Variants in GLIS3 observed in about 807,000 individuals in gnomAD.
GLIS3 encodes zinc finger protein GLIS3.
A neutral mutation model predicts 78.6 loss-of-function variants in GLIS3; 53 were observed. The observed-to-expected ratio is 0.67, with a 90% CI of 0.54 to 0.85. GLIS3 has a LOEUF of 0.85. Ranked by LOEUF, GLIS3 falls within the 40% of genes least tolerant of loss-of-function variation. GLIS3 has a pLI of 0.00. For synonymous variants in GLIS3, 684 were observed against 509.9 expected, an observed-to-expected ratio of 1.34 and a Z score of -4.60; for missense variants, 1,703 against 1,231.1, an observed-to-expected ratio of 1.38 and a Z score of -5.74.
chr9:4,240,481 A>G (rs931871318), intron 2 of GLIS3, among the ~76,000 whole-genome samples: 1 of 152,134 alleles, frequency 6.6e-6, no homozygotes, highest in African/African-American at 2.4e-5. Context: ...GATCTAAAGC[A>G]TAACTTCAAC....
At chr9:3,840,175 A>C (rs957242140) in intron 9 of GLIS3, among the ~76,000 whole-genome samples, 2 of 152,230 alleles carry the variant, frequency 1.3e-5, no homozygotes, top group African/African-American at 4.8e-5. Flanking sequence ...CCTTAAGTTC[A>C]ACTATGTAAC....
intron 2 of GLIS3, among the ~76,000 whole-genome samples, chr9:4,328,759 A>G (rs1334904674): frequency 9.0e-6 from 1 of 110,582 alleles, no homozygotes; most frequent in Non-Finnish European, 2.1e-5. Context: ...GTATGGACAT[A>G]ATCTCTCTGC....
the GLIS3 span, among the ~76,000 whole-genome samples, chr9:4,387,785 C>G: frequency 6.6e-6 from 1 of 152,172 alleles, no homozygotes; most frequent in Non-Finnish European, 1.5e-5. Context: ...TGTACAGGTA[C>G]TTTTCTGTTT....
At chr9:3,841,679 T>C (rs917222289) in intron 9 of GLIS3, among the ~76,000 whole-genome samples, 5 of 152,184 alleles carry the variant, frequency 3.3e-5, no homozygotes, top group African/African-American at 1.2e-4. Context: ...GCAAACACTT[T>C]GCCAAGGTTG....
chr9:4,148,681 C>A (rs1291198727), intron 2 of GLIS3, among the ~76,000 whole-genome samples: 1 of 152,022 alleles, frequency 6.6e-6, no homozygotes, highest in Non-Finnish European at 1.5e-5. Context: ...AATGCCCACA[C>A]CATACCTGTA....
intron 5 of GLIS3, among the ~76,000 whole-genome samples, chr9:3,933,879 T>C (rs539824687): frequency 6.6e-6 from 1 of 152,344 alleles, no homozygotes; most frequent in South Asian, 2.1e-4. Context: ...AAGAACAAGA[T>C]TAAATCATGA....
At chr9:4,385,462 G>C in the GLIS3 span, among the ~76,000 whole-genome samples, 1 of 152,042 alleles carries the variant, frequency 6.6e-6, no homozygotes, top group South Asian at 2.1e-4. Flanking sequence ...TCAGGAGTCC[G>C]AGACCAGCTT....
At chr9:4,297,984 C>T (rs889841584) in intron 1 of GLIS3, among the ~76,000 whole-genome samples, 2 of 152,114 alleles carry the variant, frequency 1.3e-5, no homozygotes, top group Non-Finnish European at 2.9e-5. Flanking sequence ...GCGGGGTACG[C>T]GCGGCTGCGA....
intron 4 of GLIS3, chr9:4,071,235 A>T (rs763530471): frequency 1.4e-4 from 21 of 152,196 alleles, no homozygotes; most frequent in Non-Finnish European, 2.9e-4. Context: ...ATGTCCCAGC[A>T]GATAACTGTT....
chr9:4,154,040 G>A (rs2180944), intron 2 of GLIS3, among the ~76,000 whole-genome samples: 6,698 of 152,272 alleles, frequency 0.044, 259 homozygotes, highest in Admixed American at 0.13. Flanking sequence ...TAGGAGCTAC[G>A]CTGAGGCTGT....
chr9:3,996,521 T>C (rs1820754454), intron 4 of GLIS3, among the ~76,000 whole-genome samples: 1 of 152,186 alleles, frequency 6.6e-6, no homozygotes, highest in Admixed American at 6.5e-5. Flanking sequence ...AAAGTGCATG[T>C]TGAAATGTCA....
At chr9:4,484,324 G>T in the GLIS3 span, among the ~76,000 whole-genome samples, 10 of 145,934 alleles carry the variant, frequency 6.9e-5, no homozygotes, top group East Asian at 1.8e-3. Flanking sequence ...TGCAACCTCT[G>T]CCTCCCAAGT....
At chr9:3,855,134 A>G (rs112900010) in intron 9 of GLIS3, among the ~76,000 whole-genome samples, 2 of 152,240 alleles carry the variant, frequency 1.3e-5, no homozygotes, top group South Asian at 2.1e-4. Context: ...GTTCAAATCT[A>G]TATGACTTGG....
intron 1 of GLIS3, among the ~76,000 whole-genome samples, chr9:4,287,549 A>G (rs1020261812): frequency 5.3e-5 from 8 of 152,244 alleles, no homozygotes; most frequent in Non-Finnish European, 1.0e-4. Flanking sequence ...CACTGTCACA[A>G]TCTGTCTTTC....
chr9:4,136,866 G>C (rs781495362), intron 2 of GLIS3, among the ~76,000 whole-genome samples: 4 of 152,162 alleles, frequency 2.6e-5, no homozygotes, highest in Non-Finnish European at 5.9e-5. Context: ...GCTACATATT[G>C]GCATCACCAG....
At chr9:4,244,153 T>C (rs751338672) in intron 2 of GLIS3, among the ~76,000 whole-genome samples, 3 of 152,256 alleles carry the variant, frequency 2.0e-5, no homozygotes, top group South Asian at 2.1e-4. Context: ...CCGTACTCTG[T>C]ACCTCTTTAG....
intron 4 of GLIS3, among the ~76,000 whole-genome samples, chr9:4,004,511 T>C (rs1222440185): frequency 2.0e-5 from 3 of 152,182 alleles, no homozygotes; most frequent in Non-Finnish European, 2.9e-5. Flanking sequence ...CCAGATACTG[T>C]TGTGTGAAAT....
intron 2 of GLIS3, among the ~76,000 whole-genome samples, chr9:4,329,160 C>G (rs1170134947): frequency 6.6e-6 from 1 of 152,178 alleles, no homozygotes; most frequent in Non-Finnish European, 1.5e-5. Context: ...TTTTCTACCT[C>G]TGTGGCCCTT....
chr9:4,415,998 T>A, the GLIS3 span, among the ~76,000 whole-genome samples: 2 of 150,554 alleles, frequency 1.3e-5, no homozygotes, highest in African/African-American at 4.9e-5. Context: ...ATATACATTG[T>A]TTATATATGT....
Sources: gnomAD v4.1 joint callset for allele counts (sites outside exome capture counted in the v4.1 genomes callset) on GRCh38, gnomAD v4.1.1 for gene constraint, MANE v1.5 for transcripts, NCBI Gene and HGNC (gene_info 2026-07-23, HGNC 2026-07-21) for gene names.